DAZL: variants seen among roughly 807,000 people sequenced by gnomAD.
DAZL encodes the protein deleted in azoospermia-like.
DAZL carries 4 observed loss-of-function variants against 45.0 expected under a neutral mutation model. The ratio of observed to expected loss-of-function variants is 0.09; its 90% confidence interval spans 0.04 to 0.20. DAZL has a LOEUF of 0.20. Among genes scored for constraint, DAZL ranks in the 10% least tolerant of loss-of-function variants. The pLI, the probability that DAZL is intolerant of heterozygous loss-of-function variation, is 1.00. For missense variants in DAZL, 326 were observed against 351.3 expected, an observed-to-expected ratio of 0.93 and a Z score of 0.58; for synonymous variants, 122 against 112.4, an observed-to-expected ratio of 1.09 and a Z score of -0.54.
chr3:16,589,135 T>G (rs368330306), intron 10 of DAZL, among the ~76,000 whole-genome samples: 6 of 152,166 alleles, frequency 3.9e-5, no homozygotes, highest in African/African-American at 1.4e-4. Context: ...AATCTGAAAT[T>G]TCATGTTTTT....
chr3:16,595,234 C>T, intron 7 of DAZL, 80 bp downstream of exon 7: 2 of 810,456 alleles, frequency 2.5e-6, no homozygotes, highest in Middle Eastern at 3.8e-4. Flanking sequence ...AAATGACAAA[C>T]CATTCAGACA....
chr3:16,594,647 C>A (rs1316336297), intron 7 of DAZL, 64 bp from the exon 8 acceptor site: 5 of 1,135,098 alleles, frequency 4.4e-6, no homozygotes, highest in Non-Finnish European at 5.0e-6. Context: ...CAAAAACACA[C>A]GAGATACACA....
chr3:16,604,590 C>T (rs1267344315), intron 1 of DAZL: 2 of 1,395,602 alleles, frequency 1.4e-6, no homozygotes, highest in Non-Finnish European at 1.9e-6. Flanking sequence ...GCCTTCAGGA[C>T]GCCCCACACC....
intron 1 of DAZL, among the ~76,000 whole-genome samples, chr3:16,602,053 T>G (rs1694698186): frequency 6.6e-6 from 1 of 151,584 alleles, no homozygotes; most frequent in Non-Finnish European, 1.5e-5. Context: ...ATGCTAAAAT[T>G]AAGAAAATAT....
intron 1 of DAZL, among the ~76,000 whole-genome samples, chr3:16,604,048 C>A (rs3773834): frequency 6.6e-6 from 1 of 152,086 alleles, no homozygotes; most frequent in Non-Finnish European, 1.5e-5. Context: ...TAATTACTTA[C>A]AACTCAAGGT....
At chr3:16,599,330 C>T (rs1694648266) in intron 1 of DAZL, among the ~76,000 whole-genome samples, 1 of 152,014 alleles carries the variant, frequency 6.6e-6, no homozygotes, top group South Asian at 2.1e-4. Context: ...TCCAAAAAGC[C>T]ACATCAAAAA....
chr3:16,594,607 C>T (rs375519451), intron 7 of DAZL, 24 bp from the exon 8 acceptor site: 52 of 1,489,484 alleles, frequency 3.5e-5, no homozygotes, highest in Non-Finnish European at 1.1e-5. Flanking sequence ...AAAAGGAAAC[C>T]AAAATTATTC....
intron 1 of DAZL, among the ~76,000 whole-genome samples, chr3:16,600,208 A>C (rs1694662035): frequency 6.7e-6 from 1 of 148,430 alleles, no homozygotes; most frequent in Non-Finnish European, 1.5e-5. Flanking sequence ...AAAGAAAACA[A>C]GACAAAAGAA....
Position 16,596,659 on chromosome 3 carries a change from A to G in DAZL, c.498+91T>C, listed in dbSNP as rs975592565. ...CTCAAAGTATTCAAACAGGGATGCC[A>G]TTACCACTTACTACAGAAATTGGAT... On this transcript the variant is annotated intron_variant, in intron 6 of 10. Transcript: ENST00000399444. 12 of 1,398,718 alleles carry G rather than the reference A, an allele frequency of 8.6e-6. No individual in the cohort carries two copies. In the African/African-American group the frequency reaches 1.6e-4, roughly 18 times the overall value. The allele number at this position is 1,398,718 out of a possible 1,614,324, so 86.6% of individuals were successfully genotyped here. A position where few individuals can be genotyped will look rare whatever the true frequency, so the allele number is the denominator to read the frequency against.
Position 16,605,362 on chromosome 3 carries a change from C to A in DAZL, c.-157G>T. 1 of 921,070 alleles carries A rather than the reference C, an allele frequency of 1.1e-6. No homozygotes were observed. Among genetic ancestry groups the A allele is most frequent in the South Asian group, 1.4e-5 (1 of 72,994 alleles). 57.1% of individuals were successfully genotyped at this position (921,070 alleles called of 1,614,324 possible). A position where few individuals can be genotyped will look rare whatever the true frequency, so the allele number is the denominator to read the frequency against. ...ATGAAGAGAAAAGGAAAACCAAGAG[C>A]GGGTGACAAGGCTGAGGAGCCCCGA... On this transcript the variant is annotated 5_prime_UTR_variant, in exon 1 of 11. Transcript: ENST00000399444.
At chr3:16,602,967 G>A (rs976364486) in intron 1 of DAZL, among the ~76,000 whole-genome samples, 2 of 152,074 alleles carry the variant, frequency 1.3e-5, no homozygotes, top group Admixed American at 6.5e-5. Context: ...AAATAAAAAG[G>A]AAGTTTAAAA....
chr3:16,587,913 G>A lies in DAZL; in HGVS notation c.*747C>T, dbSNP rs1372180604. ...CAAAGAAAAAAGTTTTTACAAAAAA[G>A]AAGAATGGTGACTCATTGAGAAGCT... On this transcript the variant is annotated 3_prime_UTR_variant, in exon 11 of 11. Transcript: ENST00000399444. 1 of 153,600 alleles carries A rather than the reference G, an allele frequency of 6.5e-6. No individual in the cohort carries two copies. Among genetic ancestry groups the A allele is most frequent in the African/African-American group, 2.4e-5 (1 of 41,462 alleles). 9.5% of individuals were successfully genotyped at this position (153,600 alleles called of 1,614,324 possible).
intron 1 of DAZL, 67 bp downstream of exon 1, chr3:16,605,136 G>A (rs1694759309): frequency 1.5e-5 from 24 of 1,603,894 alleles, no homozygotes; most frequent in Non-Finnish European, 2.0e-5. Context: ...CGACCCTGCA[G>A]AGCCGAGTTT....
intron 1 of DAZL, chr3:16,604,801 C>T (rs1021514915): frequency 8.1e-6 from 10 of 1,237,734 alleles, no homozygotes; most frequent in South Asian, 1.9e-5. Flanking sequence ...GGGGGAGGGG[C>T]GGAGGCGCGT....
intron 10 of DAZL, among the ~76,000 whole-genome samples, chr3:16,590,222 A>C (rs1047538308): frequency 4.0e-5 from 5 of 125,798 alleles, no homozygotes; most frequent in African/African-American, 1.3e-4. Flanking sequence ...TCTATGTAGA[A>C]TGAAGCAACA....
At chr3:16,589,233 T>C (rs3773825) in intron 10 of DAZL, among the ~76,000 whole-genome samples, 3 of 152,008 alleles carry the variant, frequency 2.0e-5, no homozygotes, top group African/African-American at 7.2e-5. Context: ...AGAAAAAATT[T>C]AAATACATGC....
intron 10 of DAZL, among the ~76,000 whole-genome samples, chr3:16,591,497 A>G (rs116606859): frequency 0.016 from 2,434 of 150,238 alleles, 72 homozygotes; most frequent in African/African-American, 0.057. Context: ...TGGCACAATC[A>G]TGGCTCAATG....
In DAZL at chr3:16,587,575, G is replaced by A. The variant is rs1445718642; in HGVS notation, c.*1085C>T. Reference sequence around the variant, plus strand: ...CTAGCTGTTTGTCACAATGTAAAATGAAGACACCAGCTAATCTAGAAACAA... The same window carrying A: ...CTAGCTGTTTGTCACAATGTAAAATAAAGACACCAGCTAATCTAGAAACAA... On this transcript the variant is annotated 3_prime_UTR_variant, in exon 11 of 11. Transcript: ENST00000399444. 1.3e-5 allele frequency: 2 copies of A among 152,576 alleles called. No individual in the cohort carries two copies. Among genetic ancestry groups the A allele is most frequent in the East Asian group, 3.8e-4 (2 of 5,202 alleles). 9.5% of individuals were successfully genotyped at this position (152,576 alleles called of 1,614,324 possible). A position where few individuals can be genotyped will look rare whatever the true frequency, so the allele number is the denominator to read the frequency against.
intron 5 of DAZL, 38 bp downstream of exon 5, chr3:16,596,950 T>C: frequency 1.2e-6 from 2 of 1,613,010 alleles, no homozygotes; most frequent in Non-Finnish European, 1.7e-6. Flanking sequence ...ACACAATTTC[T>C]TTTATGTTTA....
Sources: allele counts gnomAD v4.1 joint callset (sites outside exome capture counted in the v4.1 genomes callset), GRCh38; gene constraint gnomAD v4.1.1; transcripts MANE v1.5; gene names NCBI Gene and HGNC (gene_info 2026-07-23, HGNC 2026-07-21).